The following ZNF407 variants were observed in gnomAD, a reference collection of about 807,000 sequenced individuals.
ZNF407 encodes the protein zinc finger protein 407.
ZNF407 carries 17 observed loss-of-function variants against 131.2 expected under a neutral mutation model. The observed-to-expected ratio is 0.13, with a 90% CI of 0.09 to 0.19. The LOEUF (loss-of-function observed/expected upper bound fraction) is 0.19. Among genes scored for constraint, ZNF407 ranks in the 10% least tolerant of loss-of-function variants. ZNF407 has a pLI of 1.00. For synonymous variants in ZNF407, 1,156 were observed against 1,062.0 expected (o/e 1.09, Z -1.72); for missense variants, 2,681 against 2,830.6 (o/e 0.95, Z 1.20).
At chr18:75,008,288 T>C (rs927415055) in intron 8 of ZNF407, among the ~76,000 whole-genome samples, 2 of 152,206 alleles carry the variant, frequency 1.3e-5, no homozygotes, top group East Asian at 3.8e-4. Flanking sequence ...TCCAGTCTAA[T>C]GGAGATGGGC....
chr18:75,021,492 A>C (rs1381907619), intron 8 of ZNF407, among the ~76,000 whole-genome samples: 1 of 151,964 alleles, frequency 6.6e-6, no homozygotes, highest in African/African-American at 2.4e-5. Context: ...CTGGTCTCAA[A>C]CTCCTGACAT....
intron 4 of ZNF407, among the ~76,000 whole-genome samples, chr18:74,817,151 A>G (rs1970278507): frequency 6.6e-6 from 1 of 152,192 alleles, no homozygotes; most frequent in South Asian, 2.1e-4. Flanking sequence ...TCAAGTAGGG[A>G]TATCATGCTG....
At chr18:74,628,716 G>C (rs934393129) in intron 1 of ZNF407, among the ~76,000 whole-genome samples, 2 of 152,026 alleles carry the variant, frequency 1.3e-5, no homozygotes, top group African/African-American at 4.8e-5. Context: ...TCCGGAGTTA[G>C]GACCACAGGC....
intron 2 of ZNF407, among the ~76,000 whole-genome samples, chr18:74,637,139 A>G (rs1036142972): frequency 6.6e-6 from 1 of 152,236 alleles, no homozygotes; most frequent in South Asian, 2.1e-4. Flanking sequence ...GTTAAAGCTC[A>G]CTAAAAGCAT....
chr18:74,951,078 A>G (rs1481625888), intron 8 of ZNF407, among the ~76,000 whole-genome samples: 1 of 152,176 alleles, frequency 6.6e-6, no homozygotes, highest in Non-Finnish European at 1.5e-5. Flanking sequence ...AGTTCCCTTC[A>G]TGTGGTAGCA....
intron 8 of ZNF407, among the ~76,000 whole-genome samples, chr18:74,954,521 G>A (rs1322617491): frequency 6.6e-6 from 1 of 152,112 alleles, no homozygotes; most frequent in Non-Finnish European, 1.5e-5. Context: ...CTTTAAGAAA[G>A]ACTGGCATTA....
chr18:74,606,932 G>A (rs962801198), intron 1 of ZNF407, among the ~76,000 whole-genome samples: 35 of 152,160 alleles, frequency 2.3e-4, no homozygotes, highest in Admixed American at 2.3e-3. Flanking sequence ...TACTAGGGGT[G>A]GTCTTTTCAC....
intron 4 of ZNF407, among the ~76,000 whole-genome samples, chr18:74,854,817 T>A (rs1480240025): frequency 6.6e-6 from 1 of 152,170 alleles, no homozygotes; most frequent in African/African-American, 2.4e-5. Context: ...ACCGCTGCCT[T>A]TGAAGTGTTC....
At chr18:74,889,320 GTATC>G (rs1201061074) in intron 6 of ZNF407, among the ~76,000 whole-genome samples, 3 of 151,848 alleles carry the variant, frequency 2.0e-5, no homozygotes, top group South Asian at 2.1e-4. Context: ...GTCTGTCTAT[GTATC>G]TATCTGTTAT....
intron 8 of ZNF407, among the ~76,000 whole-genome samples, chr18:75,060,740 C>T (rs1339621462): frequency 6.6e-6 from 1 of 152,072 alleles, no homozygotes. Flanking sequence ...CTCCTGACCT[C>T]GTGATCCGTC....
chr18:74,625,145 G>T lies in ZNF407; in HGVS notation c.-53-5822G>T, dbSNP rs1413719505. On this transcript the variant is annotated intron_variant, in intron 1 of 8. Coordinates refer to ENST00000299687, the MANE Select transcript of ZNF407 (RefSeq NM_017757.3). ...ATTTCTTGATATAGTGAGATATTGGGTTATTTCATTAATTTAGAAATTCAG... is the reference window on the plus strand; with the variant it reads ...ATTTCTTGATATAGTGAGATATTGGTTTATTTCATTAATTTAGAAATTCAG... Among the ~76,000 whole-genome samples, 3 of 152,092 alleles carry T rather than the reference G, an allele frequency of 2.0e-5. No individual in the cohort carries two copies. The East Asian group carries it at 5.8e-4, about 29-fold the overall frequency.
At chr18:75,028,370 C>G (rs1297393499) in intron 8 of ZNF407, among the ~76,000 whole-genome samples, 1 of 152,102 alleles carries the variant, frequency 6.6e-6, no homozygotes, top group Non-Finnish European at 1.5e-5. Context: ...CCTCTTGTGT[C>G]CTATGTGTTG....
At position 74,635,990 on chromosome 18, in the gene ZNF407, G is replaced by A. The variant is rs528063767; in HGVS notation, c.4687+284G>A. On this transcript the variant is annotated intron_variant, in intron 2 of 8. Coordinates refer to ENST00000299687, the MANE Select transcript of ZNF407 (RefSeq NM_017757.3). The surrounding 1 kb of genome is among the most constrained non-coding windows in gnomAD (Gnocchi z 4.7). ...CTTTTAAAAACTGCTGTCTGTTGGC[G>A]GCTTTTCAGTTGTTTCTGAGTCCTA... Among the ~76,000 whole-genome samples, 12 of 152,204 alleles carry A rather than the reference G, an allele frequency of 7.9e-5. No homozygotes were observed. The highest frequency in any genetic ancestry group is 2.2e-4 in the African/African-American group (9 of 41,520).
chr18:74,927,572 A>T (rs1220177319), intron 8 of ZNF407, among the ~76,000 whole-genome samples: 2 of 152,250 alleles, frequency 1.3e-5, no homozygotes, highest in Non-Finnish European at 2.9e-5. Context: ...ACTTTGAGCC[A>T]GTCACTCAAG....
At chr18:74,838,431 A>G (rs564057985) in intron 4 of ZNF407, among the ~76,000 whole-genome samples, 2 of 151,270 alleles carry the variant, frequency 1.3e-5, no homozygotes, top group Middle Eastern at 6.8e-3. Context: ...ACTCTGCCCC[A>G]CTCCTTACAG....
At chr18:75,060,271 A>G (rs1973610733) in intron 8 of ZNF407, 1 of 152,262 alleles carries the variant, frequency 6.6e-6, no homozygotes, top group South Asian at 2.1e-4. Context: ...AGCTAGACTT[A>G]CGAACATTTT....
intron 8 of ZNF407, among the ~76,000 whole-genome samples, chr18:74,964,004 G>A (rs1014755624): frequency 6.6e-6 from 1 of 152,162 alleles, no homozygotes; most frequent in Non-Finnish European, 1.5e-5. Flanking sequence ...TATTTGTGGC[G>A]CCCTCTTGGG....
At chr18:74,602,406 G>A (rs1241283311) in intron 1 of ZNF407, among the ~76,000 whole-genome samples, 1 of 152,120 alleles carries the variant, frequency 6.6e-6, no homozygotes, top group Non-Finnish European at 1.5e-5. Context: ...AATAATCCTG[G>A]TTTAACAGTT....
At chr18:75,013,454 C>G (rs1225107509) in intron 8 of ZNF407, among the ~76,000 whole-genome samples, 1 of 152,056 alleles carries the variant, frequency 6.6e-6, no homozygotes, top group East Asian at 1.9e-4. Flanking sequence ...TTATCTTCCT[C>G]TAATAAAAAA....
Sources: allele counts gnomAD v4.1 joint callset (sites outside exome capture counted in the v4.1 genomes callset), GRCh38; gene constraint gnomAD v4.1.1; non-coding constraint Gnocchi (gnomAD v3.1); transcripts MANE v1.5; gene names NCBI Gene and HGNC (gene_info 2026-07-23, HGNC 2026-07-21).